Variants in RBFOX1 observed in about 807,000 individuals in gnomAD.
RBFOX1 encodes RNA binding protein fox-1 homolog 1.
A neutral mutation model predicts 57.7 loss-of-function variants in RBFOX1; 8 were observed. That is an observed-to-expected ratio of 0.14 (90% confidence interval 0.08 to 0.25). The LOEUF (loss-of-function observed/expected upper bound fraction) is 0.25. Among genes scored for constraint, RBFOX1 ranks in the 10% least tolerant of loss-of-function variants. The pLI is 1.00. For synonymous variants in RBFOX1, 326 were observed against 222.4 expected (o/e 1.47, Z -4.15); for missense variants, 611 against 548.5 (o/e 1.11, Z -1.14).
At chr16:5,319,159 A>AT (rs997568834) in intron 1 of RBFOX1, among the ~76,000 whole-genome samples, 2 of 152,110 alleles carry the variant, frequency 1.3e-5, no homozygotes, top group African/African-American at 2.4e-5. Flanking sequence ...ACAAAAAAAC[A>AT]TAAAAAACCA....
intron 3 of RBFOX1, among the ~76,000 whole-genome samples, chr16:6,852,307 T>G (rs2094115686): frequency 6.6e-6 from 1 of 152,152 alleles, no homozygotes; most frequent in African/African-American, 2.4e-5. Context: ...CGTCTTTCTT[T>G]TAAGGATGCT....
Position 6,174,881 on chromosome 16 carries a change from C to T in RBFOX1, c.-126-142114C>T, listed in dbSNP as rs193094989. 3.9e-5 allele frequency among the ~76,000 whole-genome samples: 6 copies of T among 152,274 alleles called. No homozygotes were observed. The East Asian group carries it at 1.2e-3, about 30-fold the overall frequency. ...TGAGAATAGTTGGGAGGTCATTTGA[C>T]ACCCTTTCCAATAGTCTACTGCTTA... On this transcript the variant is annotated intron_variant, in intron 1 of 15. Coordinates refer to ENST00000550418, the MANE Select transcript of RBFOX1 (RefSeq NM_018723.4).
chr16:7,283,944 T>C (rs1299267556), intron 4 of RBFOX1, among the ~76,000 whole-genome samples: 1 of 152,232 alleles, frequency 6.6e-6, no homozygotes, highest in African/African-American at 2.4e-5. Flanking sequence ...TAGTTATAGT[T>C]AGTCCCCAGC....
At chr16:6,890,474 G>A (rs1409003481) in intron 3 of RBFOX1, among the ~76,000 whole-genome samples, 2 of 152,152 alleles carry the variant, frequency 1.3e-5, no homozygotes, top group Non-Finnish European at 2.9e-5. Flanking sequence ...AACTGAGATA[G>A]CACCATGGCA....
At chr16:6,880,293 G>A (rs917928441) in intron 3 of RBFOX1, among the ~76,000 whole-genome samples, 4 of 152,126 alleles carry the variant, frequency 2.6e-5, no homozygotes, top group African/African-American at 9.7e-5. Flanking sequence ...CATAAGGTTG[G>A]CTGGGTAGAC....
At chr16:6,195,643 C>A (rs1449267482) in intron 1 of RBFOX1, among the ~76,000 whole-genome samples, 3 of 151,664 alleles carry the variant, frequency 2.0e-5, no homozygotes. Flanking sequence ...CACTTGAACC[C>A]GGGTGGTGGA....
rs545241819 is a variant in RBFOX1 at position 6,020,854 on chromosome 16, C to G, written c.-127+862C>G. Among the ~76,000 whole-genome samples, 4 of 152,284 alleles carry G rather than the reference C, an allele frequency of 2.6e-5. No individual in the cohort carries two copies. In the East Asian group the frequency reaches 7.8e-4, roughly 30 times the overall value. ...GGCGCCAGCTGCGGGGACCAGGTGT[C>G]ACGCGGAGCCCGGAAGCTGTCCACT... On this transcript the variant is annotated intron_variant, in intron 1 of 15. Transcript: ENST00000550418.
intron 4 of RBFOX1, among the ~76,000 whole-genome samples, chr16:7,221,815 A>G (rs2092752802): frequency 6.6e-6 from 1 of 152,252 alleles, no homozygotes; most frequent in African/African-American, 2.4e-5. Context: ...CTAAGAAAGC[A>G]CATACAGAGG....
chr16:5,373,691 C>T (rs543570268), intron 1 of RBFOX1, among the ~76,000 whole-genome samples: 1 of 149,162 alleles, frequency 6.7e-6, no homozygotes, highest in East Asian at 2.0e-4. Flanking sequence ...TGCACCTTTG[C>T]CTCCCGGGTT....
intron 1 of RBFOX1, among the ~76,000 whole-genome samples, chr16:5,262,250 C>T (rs2062754008): frequency 1.3e-5 from 2 of 152,166 alleles, no homozygotes; most frequent in Admixed American, 6.5e-5. Flanking sequence ...ATCAATTTGA[C>T]TGGGTTGTGG....
chr16:6,962,501 G>A (rs1245665159), intron 3 of RBFOX1, among the ~76,000 whole-genome samples: 1 of 152,086 alleles, frequency 6.6e-6, no homozygotes, highest in East Asian at 1.9e-4. Context: ...TGTGTCCCTG[G>A]CATCCTTTCT....
intron 5 of RBFOX1, among the ~76,000 whole-genome samples, chr16:7,560,662 A>G (rs1160213017): frequency 1.3e-5 from 2 of 151,980 alleles, no homozygotes; most frequent in East Asian, 3.9e-4. Flanking sequence ...ATAAATTGAG[A>G]TTCAGAAAGG....
At position 5,856,575 on chromosome 16, in the gene RBFOX1, GTATATATATATA is replaced by G. The variant is rs375112636; in HGVS notation, c.319-10709_319-10698del. ...TGTGTGTGTGTGTATGTGTGTGTGT[GTATATATATATA>G]TATATATATATATATATAATCTTAG... On this transcript the variant is annotated intron_variant, in intron 3 of 19. Transcript: ENST00000641259. Among the ~76,000 whole-genome samples, 42 of 32,892 alleles carry G rather than the reference GTATATATATATA, an allele frequency of 1.3e-3. 2 individuals carry two copies. The highest frequency in any genetic ancestry group is 2.4e-3 in the African/African-American group (19 of 7,958). The allele number at this position is 32,892 out of a possible 152,430, so 21.6% of individuals were successfully genotyped here.
At chr16:6,414,131 C>G (rs1020811009) in intron 2 of RBFOX1, among the ~76,000 whole-genome samples, 1 of 152,100 alleles carries the variant, frequency 6.6e-6, no homozygotes, top group African/African-American at 2.4e-5. Context: ...CCAGCACAGG[C>G]CCTTGGACAA....
intron 11 of RBFOX1, among the ~76,000 whole-genome samples, chr16:7,641,999 T>C (rs1369467061): frequency 6.6e-6 from 1 of 152,146 alleles, no homozygotes; most frequent in Non-Finnish European, 1.5e-5. Flanking sequence ...TTTATAGTCC[T>C]AGCTACTGGA....
intron 3 of RBFOX1, among the ~76,000 whole-genome samples, chr16:5,716,293 A>G (rs564218675): frequency 2.1e-4 from 32 of 152,344 alleles, no homozygotes; most frequent in Middle Eastern, 3.4e-3. Flanking sequence ...GGGTGCAAGT[A>G]CAGGTTTGTT....
intron 11 of RBFOX1, 117 bp downstream of exon 11, chr16:7,630,800 C>G: frequency 2.0e-6 from 3 of 1,493,758 alleles, no homozygotes; most frequent in South Asian, 1.3e-5. Context: ...GTGGCTCTCT[C>G]TGAGGTGAAG....
At chr16:5,553,189 A>T (rs35478575) in intron 2 of RBFOX1, among the ~76,000 whole-genome samples, 1 of 151,892 alleles carries the variant, frequency 6.6e-6, no homozygotes, top group Admixed American at 6.5e-5. Flanking sequence ...GTGAATGATG[A>T]GTTGATGGGG....
At chr16:6,829,665 G>T (rs555840321) in intron 3 of RBFOX1, among the ~76,000 whole-genome samples, 1 of 152,132 alleles carries the variant, frequency 6.6e-6, no homozygotes, top group East Asian at 1.9e-4. Flanking sequence ...GCAGGGGCGT[G>T]ATCTTGGCTC....
Sources: gnomAD v4.1 joint callset for allele counts (sites outside exome capture counted in the v4.1 genomes callset) on GRCh38, gnomAD v4.1.1 for gene constraint, MANE v1.5 for transcripts, NCBI Gene and HGNC (gene_info 2026-07-23, HGNC 2026-07-21) for gene names.